The following SPTB variants were observed in gnomAD, a reference collection of about 807,000 sequenced individuals.
SPTB encodes the protein spectrin beta, erythrocytic, also known as spectrin beta chain, erythrocytic.
Under a neutral mutation model 256.2 loss-of-function variants are expected in SPTB, and 45 were observed. That is an observed-to-expected ratio of 0.18 (90% CI 0.14 to 0.23). SPTB has a LOEUF of 0.23. Among genes scored for constraint, SPTB ranks in the 10% least tolerant of loss-of-function variants. The probability of loss-of-function intolerance (pLI) is 1.00; values close to 1 mark genes in which losing one functional copy is unlikely to be tolerated. For missense variants in SPTB, 2,715 were observed against 3,040.4 expected (o/e 0.89, Z 2.52); for synonymous variants, 1,231 against 1,243.1 (o/e 0.99, Z 0.21).
At chr14:64,798,966 C>T (rs117277696) in intron 9 of SPTB, among the ~76,000 whole-genome samples, 6,450 of 152,182 alleles carry the variant, frequency 0.042, 204 homozygotes, top group East Asian at 0.18. Flanking sequence ...TTTGTGTGTG[C>T]ATGTGCACAT....
At position 64,771,048 on chromosome 14, in the gene SPTB, G is replaced by C; in HGVS notation, c.5635C>G (p.Gln1879Glu). ...GCCTGCCACGCGGCAGACACCTCCT[G>C]CTCCTTGTTCTGGATGGCCTCTGCC... is the stretch of plus-strand genomic sequence containing the variant. ...EKAEAIQNKE[Q>E]EVSAAWQALL... The change falls in exon 27 of 36, where the codon CAG becomes GAG. Residue 1879 changes from glutamine to glutamate, a missense_variant. By Grantham distance (29) the Gln-to-Glu change is conservative. Coordinates refer to ENST00000644917, the MANE Select transcript of SPTB (RefSeq NM_001355436.2). 1.2e-6 allele frequency: 2 copies of C among 1,614,204 alleles called. No homozygotes were observed. The highest frequency in any genetic ancestry group is 1.7e-6 in the Non-Finnish European group (2 of 1,180,056).
At position 64,778,004 on chromosome 14, in the gene SPTB, C is replaced by T. The variant is rs767029553; in HGVS notation, c.4563+1153G>A. Among the ~76,000 whole-genome samples, 1 of 152,182 alleles carries T rather than the reference C, an allele frequency of 6.6e-6. No homozygotes were observed. The highest frequency in any genetic ancestry group is 1.5e-5 in the Non-Finnish European group (1 of 68,032). ...AGTGTTGGAAAGACTAGAGTTGGCT[C>T]ATTTTACAATTAAGGAAACTGAGGT... is the stretch of plus-strand genomic sequence containing the variant. On this transcript the variant is annotated intron_variant, in intron 22 of 35. Transcript: ENST00000644917. The surrounding 1 kb of genome is among the most constrained non-coding windows in gnomAD (Gnocchi z 5.2).
At chr14:64,813,303 G>A (rs11158560) in intron 2 of SPTB, among the ~76,000 whole-genome samples, 8,028 of 152,194 alleles carry the variant, frequency 0.053, 247 homozygotes, top group South Asian at 0.14. Context: ...ATTTTCAGTC[G>A]CTCACAGCCT....
At chr14:64,798,306 G>C (rs1278245725) in intron 9 of SPTB, among the ~76,000 whole-genome samples, 2 of 152,192 alleles carry the variant, frequency 1.3e-5, no homozygotes, top group African/African-American at 4.8e-5. Flanking sequence ...AGAGCATCCT[G>C]CACTGAAAAC....
At chr14:64,810,331 A>G (rs2083064802) in intron 2 of SPTB, among the ~76,000 whole-genome samples, 1 of 152,226 alleles carries the variant, frequency 6.6e-6, no homozygotes, top group Non-Finnish European at 1.5e-5. Context: ...CTCATACTCC[A>G]GGATAAATTT....
Position 64,749,195 on chromosome 14 carries a change from G to GCGACT in SPTB, c.*106_*110dup, listed in dbSNP as rs985398481. On this transcript the variant is annotated 3_prime_UTR_variant, in exon 36 of 36. Transcript: ENST00000644917. This position sits in a 1 kb window ranked among gnomAD's most constrained non-coding sequence, Gnocchi z 4.7. ...AGCGTGGGGCCCGGGGGCCCGGCCC[G>GCGACT]CGACTCGACTCATCTCGATTCGACC... 7.4e-6 allele frequency: 10 copies of GCGACT among 1,357,262 alleles called. No individual in the cohort carries two copies. The East Asian group carries it at 2.1e-4, about 28-fold the overall frequency. 84.1% of individuals were successfully genotyped at this position (1,357,262 alleles called of 1,614,324 possible). A position where few individuals can be genotyped will look rare whatever the true frequency, so the allele number is the denominator to read the frequency against.
At chr14:64,750,736 A>G (rs999736206) in intron 33 of SPTB, among the ~76,000 whole-genome samples, 7 of 151,394 alleles carry the variant, frequency 4.6e-5, no homozygotes, top group Admixed American at 1.3e-4. Context: ...AGATTGAGCC[A>G]CTGCACTTCA....
rs1317407679 is a variant in SPTB, at chr14:64,775,452, G to A, written c.4564-49C>T. 2.5e-6 allele frequency: 4 copies of A among 1,583,294 alleles called. No homozygotes were observed. Among genetic ancestry groups the A allele is most frequent in the Non-Finnish European group, 2.6e-6 (3 of 1,162,934 alleles). On this transcript the variant is annotated intron_variant, in intron 22 of 35. Transcript: ENST00000644917. This position sits in a 1 kb window ranked among gnomAD's most constrained non-coding sequence, Gnocchi z 5.0. Reference sequence around the variant, plus strand: ...GGGCAGGGCCTTCCCACCATGCGGGGGAGGCTGCTTCAGCAGTGGCAGCAC... The same window carrying A: ...GGGCAGGGCCTTCCCACCATGCGGGAGAGGCTGCTTCAGCAGTGGCAGCAC...
At position 64,779,704 on chromosome 14, in the gene SPTB, G is replaced by A. The variant is rs562410271; in HGVS notation, c.4473+21C>T. 1 of 1,613,994 alleles carries A rather than the reference G, an allele frequency of 6.2e-7. No individual in the cohort carries two copies. Among genetic ancestry groups the A allele is most frequent in the Admixed American group, 1.7e-5 (1 of 60,028 alleles). ...TGGTGGCTCAGCCTCAGGAGGTAGGGAGAAGCTGTGGCCCACGCACCGTCT... is the reference window on the plus strand; with the variant it reads ...TGGTGGCTCAGCCTCAGGAGGTAGGAAGAAGCTGTGGCCCACGCACCGTCT... On this transcript the variant is annotated intron_variant, in intron 21 of 35. Coordinates refer to ENST00000644917, the MANE Select transcript of SPTB (RefSeq NM_001355436.2). The surrounding 1 kb of genome is among the most constrained non-coding windows in gnomAD (Gnocchi z 4.2).
chr14:64,859,403 A>G (rs957878932), intron 1 of SPTB, among the ~76,000 whole-genome samples: 2 of 152,188 alleles, frequency 1.3e-5, no homozygotes, highest in East Asian at 1.9e-4. Flanking sequence ...AAGTTAAACA[A>G]CGTAAGCTGT....
At chr14:64,846,494 C>A (rs926243336) in intron 1 of SPTB, among the ~76,000 whole-genome samples, 1 of 152,206 alleles carries the variant, frequency 6.6e-6, no homozygotes. Context: ...ACGCATAGGT[C>A]GTCAGTATTT....
In SPTB at chr14:64,873,448, T is replaced by C. The variant is rs1882656358; in HGVS notation, c.-52+6344A>G. On this transcript the variant is annotated intron_variant, in intron 1 of 35. Transcript: ENST00000644917. This position sits in a 1 kb window ranked among gnomAD's most constrained non-coding sequence, Gnocchi z 4.3. ...GAAGCATAAGCACAATAATGCCCAG[T>C]AAATTTGGGGTAAAGGAATGAAAAA... 6.6e-6 allele frequency among the ~76,000 whole-genome samples: 1 copy of C among 152,026 alleles called. No homozygotes were observed. Among genetic ancestry groups the C allele is most frequent in the Non-Finnish European group, 1.5e-5 (1 of 68,004 alleles).
intron 1 of SPTB, among the ~76,000 whole-genome samples, chr14:64,871,189 T>C (rs1566813177): frequency 6.6e-6 from 1 of 152,158 alleles, no homozygotes; most frequent in East Asian, 1.9e-4. Flanking sequence ...ATTTAGCAAG[T>C]TTGAAGAAGG....
At chr14:64,767,065 C>T (rs753604993) in intron 31 of SPTB, among the ~76,000 whole-genome samples, 31 of 152,208 alleles carry the variant, frequency 2.0e-4, no homozygotes, top group Non-Finnish European at 2.9e-4. Flanking sequence ...GGTGGGGCCT[C>T]GCCTGGCAGC....
chr14:64,769,846 T>C, intron 27 of SPTB, 118 bp from the exon 28 acceptor site: 4 of 1,408,432 alleles, frequency 2.8e-6, no homozygotes, highest in Non-Finnish European at 4.0e-6. Flanking sequence ...TGCTCCCTCC[T>C]CTCTCTCTGG....
At chr14:64,798,290 C>T (rs1232077880) in intron 9 of SPTB, among the ~76,000 whole-genome samples, 2 of 152,160 alleles carry the variant, frequency 1.3e-5, no homozygotes, top group Non-Finnish European at 2.9e-5. Flanking sequence ...CAGCATATTC[C>T]GTGGGAGAGC....
Position 64,785,781 on chromosome 14 carries a change from C to T in SPTB, c.3732G>A (p.Lys1244=). Residue 1244 remains lysine (K), a synonymous_variant, in exon 17 of 36, where the codon AAG becomes AAA. Transcript: ENST00000644917. The surrounding 1 kb of genome is among the most constrained non-coding windows in gnomAD (Gnocchi z 4.4). The stretch of plus-strand genomic sequence containing the variant: ...CAATCAGCTGCACCTTCTCCTTGAT[C>T]TTGTCTGAGTATAGGTTTCCCTCAG... ...LVAEGNLYSD[K]IKEKVQLIED... 1.2e-6 allele frequency: 2 copies of T among 1,614,100 alleles called. No individual in the cohort carries two copies. The highest frequency in any genetic ancestry group is 1.1e-5 in the South Asian group (1 of 91,070).
In SPTB at chr14:64,779,373, GT is replaced by G. The variant is rs1254683930; in HGVS notation, c.4474-128del. On this transcript the variant is annotated intron_variant, in intron 21 of 35. Coordinates refer to ENST00000644917, the MANE Select transcript of SPTB (RefSeq NM_001355436.2). The surrounding 1 kb of genome is among the most constrained non-coding windows in gnomAD (Gnocchi z 4.2). ...CAGTTCCTCCCAACACCCCATCAGGGTTTTGCCCCCATTTTATAGGTTAGAA... is the reference window on the plus strand; with the variant it reads ...CAGTTCCTCCCAACACCCCATCAGGGTTTGCCCCCATTTTATAGGTTAGAA... The G allele has an allele frequency of 2.7e-5, 22 of 807,634 alleles. No individual in the cohort carries two copies. Among genetic ancestry groups the G allele is most frequent in the Admixed American group, 1.8e-4 (9 of 49,766 alleles). 50.0% of individuals were successfully genotyped at this position (807,634 alleles called of 1,614,324 possible).
rs371390869 is a variant in SPTB, at chr14:64,749,546, G to T, written c.6820-73C>A. The stretch of plus-strand genomic sequence containing the variant: ...ACCTCCCGGGCCAGGCAACAATGGT[G>T]GGGGCTCTTGGGACTGCCCCTTCTG... On this transcript the variant is annotated intron_variant, in intron 35 of 35. Transcript: ENST00000644917. The surrounding 1 kb of genome is among the most constrained non-coding windows in gnomAD (Gnocchi z 4.7). 4.4e-6 allele frequency: 7 copies of T among 1,601,238 alleles called. No homozygotes were observed. Among genetic ancestry groups the T allele is most frequent in the Non-Finnish European group, 5.9e-6 (7 of 1,177,994 alleles).
Sources: allele counts gnomAD v4.1 joint callset (sites outside exome capture counted in the v4.1 genomes callset), GRCh38; gene constraint gnomAD v4.1.1; non-coding constraint Gnocchi (gnomAD v3.1); transcripts MANE v1.5; gene names NCBI Gene and HGNC (gene_info 2026-07-23, HGNC 2026-07-21).